The following CACNA1H variants were observed in gnomAD, a reference collection of about 807,000 sequenced individuals.
The protein encoded by CACNA1H is calcium voltage-gated channel subunit alpha1 H.
In CACNA1H, 149 loss-of-function variants were observed where a neutral mutation model predicts 192.5. The observed-to-expected ratio is 0.77, with a 90% CI of 0.68 to 0.89. The LOEUF is 0.89. Ranked by LOEUF, CACNA1H falls within the 40% of genes least tolerant of loss-of-function variation. The probability of loss-of-function intolerance (pLI) is 0.00; values close to 1 mark genes in which losing one functional copy is unlikely to be tolerated. For missense variants in CACNA1H, 4,257 were observed against 3,423.5 expected, an observed-to-expected ratio of 1.24 and a Z score of -6.08; for synonymous variants, 2,202 against 1,475.2, an observed-to-expected ratio of 1.49 and a Z score of -11.29.
intron 2 of CACNA1H, chr16:1,157,007 A>G (rs927197014): frequency 6.6e-6 from 1 of 152,226 alleles, no homozygotes; most frequent in Non-Finnish European, 1.5e-5. Context: ...CCACAGGTTT[A>G]TTTATAGAGA....
intron 5 of CACNA1H, among the ~76,000 whole-genome samples, chr16:1,198,374 G>T (rs34569984): frequency 1.3e-5 from 2 of 152,046 alleles, no homozygotes; most frequent in Non-Finnish European, 2.9e-5. Flanking sequence ...CTGGCGCCCC[G>T]CTGGATGCAC....
intron 18 of CACNA1H, 21 bp from the exon 19 acceptor site, chr16:1,210,349 C>CCAAA: frequency 7.0e-5 from 35 of 501,558 alleles, no homozygotes; most frequent in Non-Finnish European, 1.1e-4. Flanking sequence ...CCCCACCTCT[C>CCAAA]ACCCGCCCCC....
intron 8 of CACNA1H, 39 bp from the exon 9 acceptor site, chr16:1,201,624 G>A (rs989262448): frequency 9.9e-6 from 15 of 1,518,844 alleles, no homozygotes; most frequent in Admixed American, 5.9e-5. Context: ...TCAGAGACTC[G>A]CTCACTCACT....
Position 1,202,046 on chromosome 16 carries a change from C to T in CACNA1H, c.1596C>T (p.Ser532=). 1 of 1,537,952 alleles carries T rather than the reference C, an allele frequency of 6.5e-7. No homozygotes were observed. Among genetic ancestry groups the T allele is most frequent in the South Asian group, 1.2e-5 (1 of 83,878 alleles). The change falls in exon 9 of 35, where the codon AGC becomes AGT. Residue 532 remains serine, a synonymous_variant. Transcript: ENST00000348261. The part of the protein sequence containing the change: ...HHHHHHHYHF[S]HGSPRRPGPE... ...ACCACCACCACCACTACCATTTCAG[C>T]CATGGCAGCCCCCGCAGGCCCGGCC... is the stretch of plus-strand genomic sequence containing the variant.
chr16:1,197,336 GTT>G (rs1213487584), intron 5 of CACNA1H, among the ~76,000 whole-genome samples: 3 of 152,200 alleles, frequency 2.0e-5, no homozygotes, highest in Non-Finnish European at 4.4e-5. Flanking sequence ...CCCACTGTAC[GTT>G]CAGTCTGCAC....
At chr16:1,176,269 C>T (rs531116914) in intron 2 of CACNA1H, among the ~76,000 whole-genome samples, 9 of 152,200 alleles carry the variant, frequency 5.9e-5, no homozygotes, top group African/African-American at 1.4e-4. Flanking sequence ...TAGTGCCCGA[C>T]GGGGCATCTC....
intron 2 of CACNA1H, among the ~76,000 whole-genome samples, chr16:1,174,789 T>TA (rs1247533505): frequency 6.6e-6 from 1 of 152,238 alleles, no homozygotes; most frequent in Admixed American, 6.5e-5. Context: ...GGTGGATCGA[T>TA]TCAGACATGG....
intron 18 of CACNA1H, 25 bp from the exon 19 acceptor site, chr16:1,210,345 C>G: frequency 9.4e-7 from 1 of 1,058,316 alleles, no homozygotes; most frequent in Admixed American, 2.3e-5. Context: ...CCCGCCCCAC[C>G]TCTCACCCGC....
At chr16:1,157,982 G>GCCCTTGCCCGTGGAA (rs1962653351) in intron 2 of CACNA1H, 1 of 150,136 alleles carries the variant, frequency 6.7e-6, no homozygotes, top group South Asian at 2.1e-4. Context: ...TGCCCGTGGC[G>GCCCTTGCCCGTGGAA]CCCTTGCCCG....
intron 2 of CACNA1H, among the ~76,000 whole-genome samples, chr16:1,182,026 C>T (rs1269868746): frequency 1.3e-5 from 2 of 152,204 alleles, no homozygotes; most frequent in South Asian, 2.1e-4. Context: ...TGTGTGCTTC[C>T]GGCCCTCCCT....
chr16:1,200,630 A>C, intron 7 of CACNA1H, 59 bp downstream of exon 7: 1 of 1,595,106 alleles, frequency 6.3e-7, no homozygotes, highest in Non-Finnish European at 8.6e-7. Flanking sequence ...CGGGTGCAGG[A>C]CTCGCCCCCC....
chr16:1,166,830 T>C (rs1483027455), intron 2 of CACNA1H, among the ~76,000 whole-genome samples: 1 of 152,154 alleles, frequency 6.6e-6, no homozygotes, highest in Non-Finnish European at 1.5e-5. Context: ...TCACCGCTGG[T>C]GGATGTCTGG....
In CACNA1H at chr16:1,184,123, C is replaced by T. The variant is rs552092209; in HGVS notation, c.300-10849C>T. On this transcript the variant is annotated intron_variant, in intron 2 of 34. Coordinates refer to ENST00000348261, the MANE Select transcript of CACNA1H (RefSeq NM_021098.3). ...ATTGCACAGGGTGTAGGCGGGACTG[C>T]TCTAGACCCCAGGGCATCACTCCTG... is the stretch of plus-strand genomic sequence containing the variant. 1.1e-3 allele frequency among the ~76,000 whole-genome samples: 167 copies of T among 152,306 alleles called. 1 individual carries two copies. The highest frequency in any genetic ancestry group is 3.4e-3 in the Middle Eastern group (1 of 294).
Position 1,220,260 on chromosome 16 carries a change from C to G in CACNA1H, c.6328C>G (p.Pro2110Ala), listed in dbSNP as rs746537400. Residue 2110 changes from proline to alanine, a missense_variant, in exon 35 of 35, where the codon CCC becomes GCC. Physicochemically the swap from Pro to Ala is conservative, Grantham distance 27. Transcript: ENST00000348261. ...CAGCCACATCACCAGCTCCGCCTGC[C>G]CCTGGCAGCCCACAGCCGAGCCCCA... is the stretch of plus-strand genomic sequence containing the variant. ...EVSHITSSAC[P>A]WQPTAEPHGP... The G allele has an allele frequency of 1.3e-6, 2 of 1,587,258 alleles. No individual in the cohort carries two copies. The highest frequency in any genetic ancestry group is 2.3e-5 in the East Asian group (1 of 43,232).
Position 1,204,261 on chromosome 16 carries a change from C to A in CACNA1H, c.2254C>A (p.Pro752Thr). 1 of 1,608,394 alleles carries A rather than the reference C, an allele frequency of 6.2e-7. No individual in the cohort carries two copies. Among genetic ancestry groups the A allele is most frequent in the Non-Finnish European group, 8.5e-7 (1 of 1,177,702 alleles). ...GCGACCACCCCGTGCGACGGACACACCAGGCCCAGGCCCAGGCAGCCCCCA... is the reference window on the plus strand; with the variant it reads ...GCGACCACCCCGTGCGACGGACACAACAGGCCCAGGCCCAGGCAGCCCCCA... Reference protein sequence around the residue: ...PTRPPRATDTPGPGPGSPQRR... With the variant: ...PTRPPRATDTTGPGPGSPQRR... Residue 752 changes from proline to threonine, a missense_variant, in exon 10 of 35, where the codon CCA becomes ACA. Transcript: ENST00000348261.
chr16:1,155,612 C>A (rs989908215), intron 2 of CACNA1H, among the ~76,000 whole-genome samples: 2 of 152,078 alleles, frequency 1.3e-5, no homozygotes, highest in African/African-American at 4.8e-5. Flanking sequence ...CCTGGACTCT[C>A]TCCTCACAGC....
chr16:1,201,477 G>A (rs1348330908), intron 8 of CACNA1H, among the ~76,000 whole-genome samples, 186 bp from the exon 9 acceptor site: 2 of 152,160 alleles, frequency 1.3e-5, no homozygotes, highest in Non-Finnish European at 2.9e-5. Flanking sequence ...AGCAGCTACT[G>A]TATGCCGTCT....
chr16:1,160,605 C>T lies in CACNA1H; in HGVS notation c.299+6569C>T, dbSNP rs554950595. Among the ~76,000 whole-genome samples the T allele has an allele frequency of 1.5e-4, 23 of 152,232 alleles. No individual in the cohort carries two copies. The South Asian group carries it at 4.6e-3, about 30-fold the overall frequency. On this transcript the variant is annotated intron_variant, in intron 2 of 34. Coordinates refer to ENST00000348261, the MANE Select transcript of CACNA1H (RefSeq NM_021098.3). ...TGCAGGGGGTGTGCCGCCACGTGGC[C>T]GCTGGTGTCCCTGGCCTCCGTGCAC... is the stretch of plus-strand genomic sequence containing the variant.
intron 2 of CACNA1H, among the ~76,000 whole-genome samples, chr16:1,162,087 G>A (rs1029948978): frequency 6.6e-6 from 1 of 152,184 alleles, no homozygotes; most frequent in African/African-American, 2.4e-5. Flanking sequence ...AAATGGGCCT[G>A]CTGCCCTCCT....
Sources: allele counts gnomAD v4.1 joint callset (sites outside exome capture counted in the v4.1 genomes callset), GRCh38; gene constraint gnomAD v4.1.1; transcripts MANE v1.5; gene names NCBI Gene and HGNC (gene_info 2026-07-23, HGNC 2026-07-21).